PSME4: variants seen among roughly 807,000 people sequenced by gnomAD.
PSME4 encodes the protein proteasome activator subunit 4.
In PSME4, 89 loss-of-function variants were observed where a neutral mutation model predicts 253.9. The ratio of observed to expected loss-of-function variants is 0.35; its 90% CI spans 0.30 to 0.42. The LOEUF (loss-of-function observed/expected upper bound fraction) is 0.42, where lower values mean the gene tolerates loss of function less well. PSME4 is among the 10% of genes least tolerant of loss of function. The probability of loss-of-function intolerance (pLI) is 1.00; values close to 1 mark genes in which losing one functional copy is unlikely to be tolerated. For synonymous variants in PSME4, 851 were observed against 759.2 expected, an observed-to-expected ratio of 1.12 and a Z score of -1.99; for missense variants, 2,014 against 2,195.2, an observed-to-expected ratio of 0.92 and a Z score of 1.65.
chr2:53,909,770 T>A (rs1224021401), intron 21 of PSME4, among the ~76,000 whole-genome samples: 7 of 152,188 alleles, frequency 4.6e-5, no homozygotes, highest in Non-Finnish European at 1.0e-4. Context: ...GAGACCAGCC[T>A]GGCCACCACG....
chr2:53,919,190 T>A lies in PSME4; in HGVS notation c.2477A>T (p.Asn826Ile). The A allele has an allele frequency of 6.2e-7, 1 of 1,611,838 alleles. No homozygotes were observed. Among genetic ancestry groups the A allele is most frequent in the Non-Finnish European group, 8.5e-7 (1 of 1,179,242 alleles). Residue 826 changes from asparagine (N) to isoleucine (I), a missense_variant, in exon 20 of 47, where the codon AAC (asparagine) becomes ATC (isoleucine). Asn to Ile is a moderately radical substitution (Grantham distance 149, BLOSUM62 -3). Around this residue, in one of 4 missense-constraint regions of PSME4, gnomAD observed 989 missense variants for 1,021.1 expected, o/e 0.97. Transcript: ENST00000404125. ...IVHNCLIGSG[N>I]LLPPLKGEPV... ...CTCTCCTTTCAACGGAGGTAGGAGG[T>A]TTCCAGAGCCAATTAAACAGTTGTG...
chr2:53,884,433 T>C (rs1395036057), intron 41 of PSME4, among the ~76,000 whole-genome samples: 1 of 152,138 alleles, frequency 6.6e-6, no homozygotes, highest in African/African-American at 2.4e-5. Flanking sequence ...ATGGTCTCGA[T>C]CTCTTGACCT....
At chr2:53,907,488 GA>G (rs1680713787) in intron 24 of PSME4, among the ~76,000 whole-genome samples, 1 of 152,064 alleles carries the variant, frequency 6.6e-6, no homozygotes, top group African/African-American at 2.4e-5. Context: ...CACCTGGAGT[GA>G]AACAGTTTAA....
intron 20 of PSME4, among the ~76,000 whole-genome samples, chr2:53,918,056 G>A (rs1001775027): frequency 7.2e-5 from 11 of 152,136 alleles, no homozygotes; most frequent in Non-Finnish European, 1.3e-4. Flanking sequence ...GGAAATGCAT[G>A]ACACCAAACA....
intron 11 of PSME4, among the ~76,000 whole-genome samples, chr2:53,927,869 C>G (rs893828043): frequency 6.6e-6 from 1 of 152,098 alleles, no homozygotes; most frequent in African/African-American, 2.4e-5. Flanking sequence ...ATTGCTGGAA[C>G]CCAGGAGGTG....
intron 3 of PSME4, among the ~76,000 whole-genome samples, chr2:53,944,530 C>G (rs138889526): frequency 1.1e-3 from 172 of 152,198 alleles, no homozygotes; most frequent in African/African-American, 4.1e-3. Context: ...TCTCCAAATA[C>G]TACATTAAAA....
At chr2:53,920,839 A>C (rs774763375) in intron 18 of PSME4, 50 bp downstream of exon 18, 2 of 1,470,560 alleles carry the variant, frequency 1.4e-6, no homozygotes, top group Non-Finnish European at 1.9e-6. Flanking sequence ...GAATCCCTTA[A>C]AACAAAAAAT....
intron 33 of PSME4, 86 bp downstream of exon 33, chr2:53,895,497 G>T: frequency 7.7e-7 from 1 of 1,302,586 alleles, no homozygotes; most frequent in Non-Finnish European, 1.1e-6. Flanking sequence ...ACCTTCAAGT[G>T]CCTCTGAACC....
intron 3 of PSME4, among the ~76,000 whole-genome samples, chr2:53,947,153 G>C (rs1026824586): frequency 1.3e-5 from 2 of 152,122 alleles, no homozygotes; most frequent in African/African-American, 4.8e-5. Flanking sequence ...TGAAGATCAT[G>C]TTTTACCTCT....
chr2:53,952,938 T>C (rs1295193196), intron 1 of PSME4, among the ~76,000 whole-genome samples: 5 of 152,198 alleles, frequency 3.3e-5, no homozygotes, highest in African/African-American at 1.2e-4. Flanking sequence ...CTACAGCCCA[T>C]TGTTTTCATT....
chr2:53,959,398 C>A (rs942613637), intron 1 of PSME4, among the ~76,000 whole-genome samples: 25 of 152,012 alleles, frequency 1.6e-4, no homozygotes, highest in Non-Finnish European at 3.4e-4. Flanking sequence ...GCTGCTTAAT[C>A]CCTGACAGCT....
intron 21 of PSME4, 143 bp downstream of exon 21, chr2:53,909,932 C>T: frequency 1.3e-6 from 1 of 781,772 alleles, no homozygotes; most frequent in South Asian, 1.4e-5. Context: ...ATCGCGTCAC[C>T]ACACTCCAGC....
intron 41 of PSME4, among the ~76,000 whole-genome samples, chr2:53,880,852 C>T (rs2104418285): frequency 6.6e-6 from 1 of 152,230 alleles, no homozygotes; most frequent in East Asian, 1.9e-4. Flanking sequence ...TATTCACACT[C>T]ACAGTAAATA....
chr2:53,923,216 T>C, intron 15 of PSME4, 98 bp from the exon 16 acceptor site: 2 of 1,464,450 alleles, frequency 1.4e-6, no homozygotes, highest in Non-Finnish European at 9.3e-7. Flanking sequence ...AAGCAGCTAC[T>C]GAAAGAACTA....
intron 1 of PSME4, among the ~76,000 whole-genome samples, chr2:53,963,161 A>T (rs981784843): frequency 6.6e-6 from 1 of 152,152 alleles, no homozygotes; most frequent in African/African-American, 2.4e-5. Flanking sequence ...CTTTGTCTCA[A>T]GAAAAACTTT....
chr2:53,913,703 T>G (rs1047603587), intron 20 of PSME4, among the ~76,000 whole-genome samples: 1 of 152,226 alleles, frequency 6.6e-6, no homozygotes, highest in Non-Finnish European at 1.5e-5. Context: ...AACCTGGCTC[T>G]TATCCTGCCA....
At chr2:53,901,123 G>C (rs1360782090) in intron 28 of PSME4, among the ~76,000 whole-genome samples, 2 of 152,214 alleles carry the variant, frequency 1.3e-5, no homozygotes, top group Non-Finnish European at 2.9e-5. Flanking sequence ...CCTTTGTGGA[G>C]CCCTGGCTGT....
intron 40 of PSME4, 72 bp from the exon 41 acceptor site, chr2:53,885,847 T>G: frequency 9.3e-7 from 1 of 1,075,120 alleles, no homozygotes. Context: ...AACAATATTG[T>G]AATGTTATTG....
At chr2:53,920,495 AG>A (rs1668263631) in intron 18 of PSME4, 145 bp from the exon 19 acceptor site, 4 of 846,126 alleles carry the variant, frequency 4.7e-6, no homozygotes, top group Admixed American at 3.2e-5. Context: ...ACAAAAAAGT[AG>A]CATGAAAACA....
Sources: gnomAD v4.1 joint callset for allele counts (sites outside exome capture counted in the v4.1 genomes callset) on GRCh38, gnomAD v4.1.1 for gene constraint, gnomAD v4.1.1 regional missense constraint, MANE v1.5 for transcripts, NCBI Gene and HGNC (gene_info 2026-07-23, HGNC 2026-07-21) for gene names.